The following DCUN1D3 variants were observed in gnomAD, a reference collection of about 807,000 sequenced individuals.
The protein encoded by DCUN1D3 is DCN1-like protein 3.
Under a neutral mutation model 24.8 loss-of-function variants are expected in DCUN1D3, and 6 were observed. The ratio of observed to expected loss-of-function variants is 0.24; its 90% CI spans 0.13 to 0.48. The LOEUF is 0.48. Ranked by LOEUF, DCUN1D3 falls within the 20% of genes least tolerant of loss-of-function variation. DCUN1D3 has a pLI of 0.99. For missense variants in DCUN1D3, 258 were observed against 379.4 expected, an observed-to-expected ratio of 0.68 and a Z score of 2.66; for synonymous variants, 120 against 144.9, an observed-to-expected ratio of 0.83 and a Z score of 1.24.
In DCUN1D3 at chr16:20,860,420, C is replaced by T; in HGVS notation, c.432-51G>A. 2 of 1,553,742 alleles carry T rather than the reference C, an allele frequency of 1.3e-6. No homozygotes were observed. The highest frequency in any genetic ancestry group is 1.7e-6 in the Non-Finnish European group (2 of 1,151,702). ...TAATCATTATAAACTATACTATTTACAGGCAATATACATAGTGATTAAGAG... is the reference window on the plus strand; with the variant it reads ...TAATCATTATAAACTATACTATTTATAGGCAATATACATAGTGATTAAGAG... On this transcript the variant is annotated intron_variant, in intron 2 of 2. Coordinates refer to ENST00000324344, the MANE Select transcript of DCUN1D3 (RefSeq NM_173475.4). The surrounding 1 kb of genome is among the most constrained non-coding windows in gnomAD (Gnocchi z 4.3).
rs2081725623 is a variant in DCUN1D3 at position 20,860,367 on chromosome 16, T to C, written c.434A>G (p.Lys145Arg). The part of the protein sequence containing the change: ...QAATMCKFTR[K>R]EFFDGCKAIS... ...TGCTTTGCAGCCATCAAAAAACTCCTTCCTGCAACAGAAAGGAAAAGGACA... is the reference window on the plus strand; with the variant it reads ...TGCTTTGCAGCCATCAAAAAACTCCCTCCTGCAACAGAAAGGAAAAGGACA... Residue 145 changes from lysine (K) to arginine (R), a missense_variant and splice_region_variant, in exon 3 of 3, where the codon AAG (lysine) becomes AGG (arginine). Coordinates refer to ENST00000324344, the MANE Select transcript of DCUN1D3 (RefSeq NM_173475.4). This position sits in a 1 kb window ranked among gnomAD's most constrained non-coding sequence, Gnocchi z 4.3. 1 of 1,609,064 alleles carries C rather than the reference T, an allele frequency of 6.2e-7. No homozygotes were observed.
intron 1 of DCUN1D3, among the ~76,000 whole-genome samples, chr16:20,880,259 T>C (rs1365017450): frequency 6.6e-6 from 1 of 152,122 alleles, no homozygotes; most frequent in Admixed American, 6.5e-5. Flanking sequence ...GACAGCATCT[T>C]AGACTGCAAG....
Position 20,860,099 on chromosome 16 carries a change from C to T in DCUN1D3, c.702G>A (p.Gly234=), listed in dbSNP as rs747260476. Residue 234 remains glycine (G), a synonymous_variant, in exon 3 of 3, where the codon GGG becomes GGA. Transcript: ENST00000324344. The surrounding 1 kb of genome is among the most constrained non-coding windows in gnomAD (Gnocchi z 4.3). ...AAGTGTCCCGGGAGATGCCCTTGAT[C>T]CCCGAGGGGTTCTCTGTTAGGAAGT... ...WLNFLTENPS[G]IKGISRDTWN... The T allele has an allele frequency of 1.9e-6, 3 of 1,614,232 alleles. No homozygotes were observed. Among genetic ancestry groups the T allele is most frequent in the Non-Finnish European group, 8.5e-7 (1 of 1,180,038 alleles).
At chr16:20,866,420 C>G (rs2081762469) in intron 1 of DCUN1D3, among the ~76,000 whole-genome samples, 1 of 152,176 alleles carries the variant, frequency 6.6e-6, no homozygotes, top group African/African-American at 2.4e-5. Flanking sequence ...TGGCCTCCAT[C>G]TGACCCACCT....
chr16:20,885,120 C>T (rs190842076), intron 1 of DCUN1D3, among the ~76,000 whole-genome samples: 85 of 151,890 alleles, frequency 5.6e-4, no homozygotes, highest in Admixed American at 1.3e-3. Context: ...GGACTACGGG[C>T]ACCCGCCACC....
rs1165453075 is a variant in DCUN1D3 at position 20,862,647 on chromosome 16, G to C, written c.-105-4C>G. The C allele has an allele frequency of 6.6e-7, 1 of 1,515,214 alleles. No individual in the cohort carries two copies. Among genetic ancestry groups the C allele is most frequent in the Middle Eastern group, 1.8e-4 (1 of 5,592 alleles). 93.9% of individuals were successfully genotyped at this position (1,515,214 alleles called of 1,614,324 possible). A position where few individuals can be genotyped will look rare whatever the true frequency, so the allele number is the denominator to read the frequency against. ...TCAGCCAGAGGAGCCAGCCAACCTG[G>C]AAGGAAATTAGAAAGCCATCACCTC... On this transcript the variant is annotated splice_polypyrimidine_tract_variant and splice_region_variant and intron_variant, in intron 1 of 2. Transcript: ENST00000324344.
chr16:20,860,386 A>G lies in DCUN1D3; in HGVS notation c.432-17T>C, dbSNP rs759736093. On this transcript the variant is annotated splice_polypyrimidine_tract_variant and intron_variant, in intron 2 of 2. Transcript: ENST00000324344. The surrounding 1 kb of genome is among the most constrained non-coding windows in gnomAD (Gnocchi z 4.3). ...AACTCCTTCCTGCAACAGAAAGGAA[A>G]AGGACAATTAATCATTATAAACTAT... 14 of 1,602,576 alleles carry G rather than the reference A, an allele frequency of 8.7e-6. No homozygotes were observed. In the South Asian group the frequency reaches 1.2e-4, roughly 14 times the overall value.
intron 1 of DCUN1D3, among the ~76,000 whole-genome samples, chr16:20,880,826 C>A (rs966028003): frequency 6.6e-6 from 1 of 152,048 alleles, no homozygotes; most frequent in African/African-American, 2.4e-5. Flanking sequence ...GCATCATTCT[C>A]AAAACATTTT....
At chr16:20,879,224 C>G (rs566921014) in intron 1 of DCUN1D3, among the ~76,000 whole-genome samples, 3 of 152,176 alleles carry the variant, frequency 2.0e-5, no homozygotes, top group African/African-American at 7.2e-5. Flanking sequence ...GGGTATCACA[C>G]TACCACATGA....
chr16:20,875,154 A>G (rs889847232), intron 1 of DCUN1D3, among the ~76,000 whole-genome samples: 2 of 152,026 alleles, frequency 1.3e-5, no homozygotes, highest in East Asian at 1.9e-4. Flanking sequence ...TCAGTCATCA[A>G]TAAGTCTGAA....
chr16:20,876,073 T>C (rs1434363533), intron 1 of DCUN1D3, among the ~76,000 whole-genome samples: 1 of 152,142 alleles, frequency 6.6e-6, no homozygotes, highest in Non-Finnish European at 1.5e-5. Context: ...TTCAAGTGAT[T>C]CTCTTGCCTT....
At position 20,881,905 on chromosome 16, in the gene DCUN1D3, C is replaced by T. The variant is rs531958487; in HGVS notation, c.-106+18299G>A. On this transcript the variant is annotated intron_variant, in intron 1 of 2. Coordinates refer to ENST00000324344, the MANE Select transcript of DCUN1D3 (RefSeq NM_173475.4). Reference sequence around the variant, plus strand: ...GCAACCTCCGCCTCCCAGGTTCAAGCGATTCTCCTACCTCAGCCTCCCAAG... The same window carrying T: ...GCAACCTCCGCCTCCCAGGTTCAAGTGATTCTCCTACCTCAGCCTCCCAAG... Among the ~76,000 whole-genome samples, 232 of 152,226 alleles carry T rather than the reference C, an allele frequency of 1.5e-3. 1 individual carries two copies. Among genetic ancestry groups the T allele is most frequent in the African/African-American group, 5.4e-3 (224 of 41,520 alleles).
rs61506075 is a variant in DCUN1D3, at chr16:20,859,540, C to CAAAA, written c.*342_*345dup. ...CGCCCTGCTCTATGCCCTCCCCTAC[C>CAAAA]AAAAAAAAAAAAAAAAAAACAAAAA... On this transcript the variant is annotated 3_prime_UTR_variant, in exon 3 of 3. Coordinates refer to ENST00000324344, the MANE Select transcript of DCUN1D3 (RefSeq NM_173475.4). 1.3e-3 allele frequency: 90 copies of CAAAA among 71,426 alleles called. No individual in the cohort carries two copies. Among genetic ancestry groups the CAAAA allele is most frequent in the African/African-American group, 1.5e-3 (24 of 16,108 alleles). 4.4% of individuals were successfully genotyped at this position (71,426 alleles called of 1,614,324 possible).
chr16:20,895,494 C>G (rs553681493), intron 1 of DCUN1D3, among the ~76,000 whole-genome samples: 1 of 152,154 alleles, frequency 6.6e-6, no homozygotes, highest in Non-Finnish European at 1.5e-5. Context: ...TGTGCATCAC[C>G]GCCACTCCCT....
intron 1 of DCUN1D3, among the ~76,000 whole-genome samples, chr16:20,873,117 T>C (rs947538778): frequency 4.2e-5 from 6 of 142,886 alleles, no homozygotes; most frequent in African/African-American, 1.6e-4. Context: ...CGAGACTCTG[T>C]CTCAAAAAAA....
chr16:20,877,331 T>G (rs1292556724), intron 1 of DCUN1D3, among the ~76,000 whole-genome samples: 4 of 152,150 alleles, frequency 2.6e-5, no homozygotes, highest in Non-Finnish European at 5.9e-5. Flanking sequence ...CGTGCTGACA[T>G]GTGTTCCATG....
chr16:20,879,863 A>C (rs1567427014), intron 1 of DCUN1D3, among the ~76,000 whole-genome samples: 1 of 152,226 alleles, frequency 6.6e-6, no homozygotes, highest in Non-Finnish European at 1.5e-5. Context: ...TGGAAGTCTC[A>C]TTATCCACCA....
rs2081716340 is a variant in DCUN1D3 at position 20,859,160 on chromosome 16, G to A, written c.*726C>T. ...GACTGACAGGTGCAGCATGTTGATG[G>A]AAAAACTCAACATGAAATGCAATAG... On this transcript the variant is annotated 3_prime_UTR_variant, in exon 3 of 3. Coordinates refer to ENST00000324344, the MANE Select transcript of DCUN1D3 (RefSeq NM_173475.4). The A allele has an allele frequency of 6.6e-6, 1 of 152,594 alleles. No homozygotes were observed. Among genetic ancestry groups the A allele is most frequent in the South Asian group, 2.1e-4 (1 of 4,822 alleles). 9.5% of individuals were successfully genotyped at this position (152,594 alleles called of 1,614,324 possible).
chr16:20,871,668 A>G (rs1332526249), intron 1 of DCUN1D3, among the ~76,000 whole-genome samples: 1 of 152,186 alleles, frequency 6.6e-6, no homozygotes, highest in Non-Finnish European at 1.5e-5. Context: ...AATACCAAAT[A>G]ATGAACCATT....
Sources: gnomAD v4.1 joint callset for allele counts (sites outside exome capture counted in the v4.1 genomes callset) on GRCh38, gnomAD v4.1.1 for gene constraint, Gnocchi (gnomAD v3.1) non-coding constraint, MANE v1.5 for transcripts, NCBI Gene and HGNC (gene_info 2026-07-23, HGNC 2026-07-21) for gene names.